Variants in EHD4 observed in about 807,000 individuals in gnomAD.
EHD4 encodes EH domain-containing protein 4.
In EHD4, 37 loss-of-function variants were observed where a neutral mutation model predicts 51.0. The observed-to-expected ratio is 0.73, with a 90% CI of 0.56 to 0.95. EHD4 has a LOEUF of 0.95. Among genes scored for constraint, EHD4 ranks in the 40% least tolerant of loss-of-function variants. The pLI is 0.00. For missense variants in EHD4, 632 were observed against 733.1 expected (o/e 0.86, Z 1.59); for synonymous variants, 297 against 317.3 (o/e 0.94, Z 0.68).
At chr15:41,924,952 T>C (rs917839949) in intron 3 of EHD4, among the ~76,000 whole-genome samples, 8 of 150,896 alleles carry the variant, frequency 5.3e-5, no homozygotes, top group African/African-American at 1.7e-4. Flanking sequence ...CCCAGCTACT[T>C]GGGAGGCTGA....
At chr15:41,939,302 A>C (rs1209769897) in intron 3 of EHD4, among the ~76,000 whole-genome samples, 1 of 152,224 alleles carries the variant, frequency 6.6e-6, no homozygotes, top group Non-Finnish European at 1.5e-5. Context: ...AATATATCAG[A>C]ACACTTTTAT....
rs11070353 is a variant in EHD4, at chr15:41,899,321, G to A, written c.*1324C>T. 55,333 of 152,050 alleles carry A rather than the reference G, an allele frequency of 0.36. 10,447 individuals carry two copies. Among genetic ancestry groups the A allele is most frequent in the Middle Eastern group, 0.5 (148 of 294 alleles). 9.4% of individuals were successfully genotyped at this position (152,050 alleles called of 1,614,324 possible). ...ACCTCCACCTGACGCAGGTGTCTGAGCAGCAGTCCAGAGAGGTTTACTCAG... is the reference window on the plus strand; with the variant it reads ...ACCTCCACCTGACGCAGGTGTCTGAACAGCAGTCCAGAGAGGTTTACTCAG... On this transcript the variant is annotated 3_prime_UTR_variant, in exon 6 of 6. Coordinates refer to ENST00000220325, the MANE Select transcript of EHD4 (RefSeq NM_139265.4).
chr15:41,909,587 G>C, intron 5 of EHD4, 112 bp downstream of exon 5: 1 of 1,248,916 alleles, frequency 8.0e-7, no homozygotes, highest in Non-Finnish European at 1.1e-6. Context: ...AGGAAGATGC[G>C]TTGTCCTTGA....
intron 3 of EHD4, among the ~76,000 whole-genome samples, chr15:41,925,545 C>A (rs980489240): frequency 6.6e-6 from 1 of 152,308 alleles, no homozygotes; most frequent in East Asian, 1.9e-4. Context: ...AATCATCCCA[C>A]GGTGCTCAGT....
At chr15:41,958,878 C>T (rs191036347) in intron 1 of EHD4, among the ~76,000 whole-genome samples, 47 of 152,218 alleles carry the variant, frequency 3.1e-4, no homozygotes, top group Non-Finnish European at 5.1e-4. Flanking sequence ...ATGGGTTAAG[C>T]GGTTTATTAA....
intron 3 of EHD4, 49 bp from the exon 4 acceptor site, chr15:41,919,671 C>G: frequency 1.4e-6 from 2 of 1,468,958 alleles, no homozygotes; most frequent in Non-Finnish European, 1.8e-6. Context: ...GCAGGAGACA[C>G]GTTTAATGGG....
intron 1 of EHD4, among the ~76,000 whole-genome samples, chr15:41,955,666 C>G (rs895767963): frequency 6.8e-4 from 104 of 152,318 alleles, no homozygotes; most frequent in African/African-American, 2.5e-3. Flanking sequence ...CTCTGTATCC[C>G]TAATAGCCTA....
At chr15:41,910,657 C>T (rs1298787725) in intron 4 of EHD4, among the ~76,000 whole-genome samples, 1 of 152,244 alleles carries the variant, frequency 6.6e-6, no homozygotes, top group African/African-American at 2.4e-5. Flanking sequence ...GCAACCTCCA[C>T]CTCCTGGTTC....
chr15:41,927,460 T>C (rs986934436), intron 3 of EHD4, among the ~76,000 whole-genome samples: 5 of 152,232 alleles, frequency 3.3e-5, no homozygotes, highest in East Asian at 1.9e-4. Flanking sequence ...CATCAGTGAA[T>C]GAACGGATAG....
chr15:41,931,825 C>T (rs1163866456), intron 3 of EHD4, among the ~76,000 whole-genome samples: 3 of 151,802 alleles, frequency 2.0e-5, no homozygotes, highest in South Asian at 2.1e-4. Context: ...TACAGGCGCA[C>T]GCCACCACGC....
intron 1 of EHD4, among the ~76,000 whole-genome samples, chr15:41,956,490 C>T (rs1011855878): frequency 2.0e-5 from 3 of 152,332 alleles, no homozygotes; most frequent in African/African-American, 4.8e-5. Flanking sequence ...ACAAGTACAG[C>T]AAATCCCACT....
chr15:41,971,905 C>T (rs1359532357), intron 1 of EHD4, among the ~76,000 whole-genome samples: 1 of 152,262 alleles, frequency 6.6e-6, no homozygotes, highest in Non-Finnish European at 1.5e-5. Flanking sequence ...CGCCTCTCCC[C>T]CCATTTCCAT....
chr15:41,911,014 T>C (rs2067546093), intron 4 of EHD4, among the ~76,000 whole-genome samples: 1 of 152,260 alleles, frequency 6.6e-6, no homozygotes, highest in Non-Finnish European at 1.5e-5. Flanking sequence ...ACTTCTACTG[T>C]AATCTTGTAG....
At chr15:41,923,869 GC>G (rs1475488328) in intron 3 of EHD4, among the ~76,000 whole-genome samples, 2 of 152,182 alleles carry the variant, frequency 1.3e-5, no homozygotes, top group East Asian at 3.9e-4. Flanking sequence ...CAAGCTCCCT[GC>G]TTTTGCCCAT....
At chr15:41,928,458 T>G (rs2067677274) in intron 3 of EHD4, 1 of 152,202 alleles carries the variant, frequency 6.6e-6, no homozygotes, top group Admixed American at 6.5e-5. Context: ...AGCCTGTGCT[T>G]TCACCCGCTG....
In EHD4 at chr15:41,902,730, C is replaced by CAT. The variant is rs371705465; in HGVS notation, c.1090-1551_1090-1550dup. On this transcript the variant is annotated intron_variant, in intron 5 of 5. Transcript: ENST00000220325. ...TCAAGACCAGCCTGGTCATTAGACC[C>CAT]ATATATATATATATACATATGTATG... Among the ~76,000 whole-genome samples, 1,102 of 146,958 alleles carry CAT rather than the reference C, an allele frequency of 7.5e-3. 5 individuals carry two copies. The highest frequency in any genetic ancestry group is 0.014 in the Middle Eastern group (4 of 284).
At chr15:41,929,930 T>C (rs1482915061) in intron 3 of EHD4, among the ~76,000 whole-genome samples, 2 of 152,224 alleles carry the variant, frequency 1.3e-5, no homozygotes, top group Non-Finnish European at 2.9e-5. Context: ...TTCAGATGGC[T>C]ACAGGAATAC....
intron 3 of EHD4, among the ~76,000 whole-genome samples, chr15:41,934,254 C>T (rs1378324621): frequency 1.3e-5 from 2 of 151,550 alleles, no homozygotes; most frequent in African/African-American, 2.4e-5. Context: ...ATGGGGCCCC[C>T]TGTATCAGAA....
rs1451204025 is a variant in EHD4 at position 41,931,699 on chromosome 15, C to T, written c.511+11368G>A. Reference sequence around the variant, plus strand: ...CAATTTCTTTTTTTTTTTTTTGAGACGGAGTCTAGCTCTGTCACCCAGGCT... The same window carrying T: ...CAATTTCTTTTTTTTTTTTTTGAGATGGAGTCTAGCTCTGTCACCCAGGCT... On this transcript the variant is annotated intron_variant, in intron 3 of 5. Coordinates refer to ENST00000220325, the MANE Select transcript of EHD4 (RefSeq NM_139265.4). 4.1e-5 allele frequency among the ~76,000 whole-genome samples: 6 copies of T among 146,732 alleles called. No individual in the cohort carries two copies. The East Asian group carries it at 8.0e-4, about 20-fold the overall frequency.
Sources: gnomAD v4.1 joint callset for allele counts (sites outside exome capture counted in the v4.1 genomes callset) on GRCh38, gnomAD v4.1.1 for gene constraint, MANE v1.5 for transcripts, NCBI Gene and HGNC (gene_info 2026-07-23, HGNC 2026-07-21) for gene names.